PLS1: variants seen among roughly 807,000 people sequenced by gnomAD.
The protein encoded by PLS1 is plastin 1, also known as plastin-1.
A neutral mutation model predicts 73.7 loss-of-function variants in PLS1; 32 were observed. The observed-to-expected ratio is 0.43, with a 90% CI of 0.33 to 0.58. PLS1 has a LOEUF of 0.58. Ranked by LOEUF, PLS1 falls within the 20% of genes least tolerant of loss-of-function variation. The pLI is 0.04. For missense variants in PLS1, 633 were observed against 740.5 expected (o/e 0.85, Z 1.68); for synonymous variants, 217 against 261.3 (o/e 0.83, Z 1.63).
intron 1 of PLS1, among the ~76,000 whole-genome samples, chr3:142,643,695 CTT>C (rs2036888683): frequency 6.6e-6 from 1 of 152,092 alleles, no homozygotes; most frequent in Admixed American, 6.6e-5. Context: ...GTAGAGCTAA[CTT>C]TGATTTAGTT....
At chr3:142,708,528 G>A (rs967327264) in intron 14 of PLS1, among the ~76,000 whole-genome samples, 16 of 152,338 alleles carry the variant, frequency 1.1e-4, no homozygotes, top group African/African-American at 3.8e-4. Flanking sequence ...TTACAGGCAT[G>A]AGCCACCACG....
chr3:142,616,257 A>G (rs1299661269), intron 1 of PLS1, among the ~76,000 whole-genome samples: 1 of 152,226 alleles, frequency 6.6e-6, no homozygotes, highest in African/African-American at 2.4e-5. Flanking sequence ...AAGAGCAAAC[A>G]TGAAGACTTT....
chr3:142,683,376 T>C (rs1024983637), intron 6 of PLS1, among the ~76,000 whole-genome samples: 3 of 152,038 alleles, frequency 2.0e-5, no homozygotes, highest in African/African-American at 7.2e-5. Context: ...TGGTGGCGGG[T>C]GCCTGTAGTC....
chr3:142,624,938 G>GAA (rs2036390513), intron 1 of PLS1, among the ~76,000 whole-genome samples: 1 of 141,848 alleles, frequency 7.0e-6, no homozygotes, highest in East Asian at 2.0e-4. Context: ...TATTCTTGTG[G>GAA]AGGAGGAGGA....
At chr3:142,708,986 T>C (rs141977092) in intron 14 of PLS1, among the ~76,000 whole-genome samples, 1 of 152,284 alleles carries the variant, frequency 6.6e-6, no homozygotes, top group East Asian at 1.9e-4. Context: ...TAAATCTAAA[T>C]GAAATATTTA....
At chr3:142,601,776 C>T (rs758122788) in intron 1 of PLS1, among the ~76,000 whole-genome samples, 4 of 152,108 alleles carry the variant, frequency 2.6e-5, no homozygotes, top group Admixed American at 6.5e-5. Context: ...CTCAGCTTCC[C>T]GAAGCCCTGA....
At chr3:142,637,969 G>T (rs1040898049) in intron 1 of PLS1, among the ~76,000 whole-genome samples, 6 of 151,908 alleles carry the variant, frequency 3.9e-5, no homozygotes, top group African/African-American at 1.5e-4. Flanking sequence ...TGCTCTCGAA[G>T]AAGCTAGCCA....
chr3:142,685,546 T>G (rs1302681402), intron 8 of PLS1, among the ~76,000 whole-genome samples: 6 of 152,188 alleles, frequency 3.9e-5, no homozygotes, highest in African/African-American at 1.2e-4. Context: ...AAGGCCTCAG[T>G]CACATGTCTG....
intron 1 of PLS1, among the ~76,000 whole-genome samples, chr3:142,646,666 A>G (rs140609012): frequency 6.7e-4 from 102 of 152,372 alleles, no homozygotes; most frequent in Admixed American, 1.6e-3. Flanking sequence ...AAAGCAGCAC[A>G]TCATAGTTCT....
intron 12 of PLS1, among the ~76,000 whole-genome samples, chr3:142,703,321 G>A (rs2038372734): frequency 1.8e-5 from 2 of 110,314 alleles, no homozygotes; most frequent in African/African-American, 3.6e-5. Context: ...TTGAGACGGA[G>A]TTTTTGCTCT....
In PLS1 at chr3:142,704,948, A is replaced by G. The variant is rs558215371; in HGVS notation, c.1629+362A>G. ...GTTGGGATTACAGGCATGAGCTACC[A>G]CGCCTGGCCAGGAACGAATTTTTAT... On this transcript the variant is annotated intron_variant, in intron 14 of 15. Transcript: ENST00000457734. 6.6e-5 allele frequency among the ~76,000 whole-genome samples: 10 copies of G among 150,652 alleles called. No homozygotes were observed. The South Asian group carries it at 2.1e-3, about 32-fold the overall frequency.
intron 12 of PLS1, among the ~76,000 whole-genome samples, chr3:142,700,471 C>T (rs58655761): frequency 0.2 from 30,106 of 151,890 alleles, 3,934 homozygotes; most frequent in African/African-American, 0.38. Flanking sequence ...TACAGGCGCC[C>T]GCCACCACGC....
At chr3:142,596,674 G>A (rs1375683550) in intron 1 of PLS1, among the ~76,000 whole-genome samples, 165 bp downstream of exon 1, 1 of 152,168 alleles carries the variant, frequency 6.6e-6, no homozygotes, top group African/African-American at 2.4e-5. Flanking sequence ...CCGTCCTCTG[G>A]GCACGCTTCT....
At chr3:142,625,230 T>C (rs563773949) in intron 1 of PLS1, among the ~76,000 whole-genome samples, 8 of 145,214 alleles carry the variant, frequency 5.5e-5, no homozygotes, top group African/African-American at 2.2e-4. Flanking sequence ...AATATGTCAC[T>C]GAGTGCCTGA....
At chr3:142,704,994 T>C (rs552141873) in intron 14 of PLS1, among the ~76,000 whole-genome samples, 1 of 152,028 alleles carries the variant, frequency 6.6e-6, no homozygotes, top group East Asian at 1.9e-4. Flanking sequence ...ATTGGTTTGG[T>C]TTAGAAATAT....
intron 4 of PLS1, 97 bp downstream of exon 4, chr3:142,671,219 C>T: frequency 1.8e-6 from 2 of 1,084,328 alleles, no homozygotes; most frequent in African/African-American, 1.6e-5. Flanking sequence ...GTGATTCATA[C>T]CGTTATTTTA....
At chr3:142,609,632 T>C (rs1397279929) in intron 1 of PLS1, among the ~76,000 whole-genome samples, 1 of 152,206 alleles carries the variant, frequency 6.6e-6, no homozygotes, top group East Asian at 1.9e-4. Flanking sequence ...TTTGCCAAAG[T>C]CTCTTCTGTA....
At chr3:142,638,136 C>T (rs1048906112) in intron 1 of PLS1, among the ~76,000 whole-genome samples, 4 of 152,090 alleles carry the variant, frequency 2.6e-5, no homozygotes, top group African/African-American at 7.2e-5. Flanking sequence ...ATAATTAAGT[C>T]GTTTTAAGCA....
At position 142,664,237 on chromosome 3, in the gene PLS1, G is replaced by C. The variant is rs2037430258; in HGVS notation, c.-1G>C. The C allele has an allele frequency of 1.9e-6, 3 of 1,556,912 alleles. No individual in the cohort carries two copies. Among genetic ancestry groups the C allele is most frequent in the Non-Finnish European group, 1.8e-6 (2 of 1,138,090 alleles). On this transcript the variant is annotated 5_prime_UTR_variant, in exon 2 of 16. Transcript: ENST00000457734. ...CTGAAGATAGTCTTTTCTGTCCAAA[G>C]ATGGAAAACAGTACTACTACCATTT... is the stretch of plus-strand genomic sequence containing the variant.
Sources: allele counts gnomAD v4.1 joint callset (sites outside exome capture counted in the v4.1 genomes callset), GRCh38; gene constraint gnomAD v4.1.1; transcripts MANE v1.5; gene names NCBI Gene and HGNC (gene_info 2026-07-23, HGNC 2026-07-21).